CNOT6: variants seen among roughly 807,000 people sequenced by gnomAD.
CNOT6 encodes the protein carbon catabolite repression 4 protein.
In CNOT6, 12 loss-of-function variants were observed where a neutral mutation model predicts 61.2. The observed-to-expected ratio is 0.20, with a 90% CI of 0.13 to 0.32. The LOEUF is 0.32. CNOT6 is among the 10% of genes least tolerant of loss of function. The pLI is 1.00. For synonymous variants in CNOT6, 225 were observed against 240.6 expected, an observed-to-expected ratio of 0.94 and a Z score of 0.60; for missense variants, 405 against 663.9, an observed-to-expected ratio of 0.61 and a Z score of 4.28.
In CNOT6 at chr5:180,494,577, G is replaced by C. The variant is rs1296441137; in HGVS notation, c.-189G>C. Reference sequence around the variant, plus strand: ...GGCGGCCCGTCGGGGCGGCTGAGGCGGGCAGCCGAAGCAGTGGCTCTCGGA... The same window carrying C: ...GGCGGCCCGTCGGGGCGGCTGAGGCCGGCAGCCGAAGCAGTGGCTCTCGGA... On this transcript the variant is annotated 5_prime_UTR_variant, in exon 1 of 12. Coordinates refer to ENST00000261951, the MANE Select transcript of CNOT6 (RefSeq NM_001370472.1). 1 of 153,440 alleles carries C rather than the reference G, an allele frequency of 6.5e-6. No individual in the cohort carries two copies. The highest frequency in any genetic ancestry group is 2.4e-5 in the African/African-American group (1 of 41,290). 9.5% of individuals were successfully genotyped at this position (153,440 alleles called of 1,614,324 possible). A position where few individuals can be genotyped will look rare whatever the true frequency, so the allele number is the denominator to read the frequency against.
rs540417059 is a variant in CNOT6 at position 180,536,039 on chromosome 5, A to C, written c.112+6651A>C. On this transcript the variant is annotated intron_variant, in intron 2 of 11. Coordinates refer to ENST00000261951, the MANE Select transcript of CNOT6 (RefSeq NM_001370472.1). ...TTTTGACAGTCTCACTCTGTTGCCC[A>C]GGCTGGAGTGCAGTGGTGTCATCTC... Among the ~76,000 whole-genome samples the C allele has an allele frequency of 9.9e-5, 11 of 110,860 alleles. 1 individual carries two copies. In the South Asian group the frequency reaches 3.2e-3, roughly 32 times the overall value. 72.7% of individuals were successfully genotyped at this position (110,860 alleles called of 152,430 possible). A position where few individuals can be genotyped will look rare whatever the true frequency, so the allele number is the denominator to read the frequency against.
intron 1 of CNOT6, among the ~76,000 whole-genome samples, chr5:180,497,094 G>A (rs1025912672): frequency 6.6e-6 from 1 of 152,122 alleles, no homozygotes; most frequent in Non-Finnish European, 1.5e-5. Flanking sequence ...TTCGGAGGCC[G>A]AGATGGGTGG....
At chr5:180,504,419 C>G (rs1261883974) in intron 1 of CNOT6, among the ~76,000 whole-genome samples, 1 of 152,038 alleles carries the variant, frequency 6.6e-6, no homozygotes, top group Admixed American at 6.6e-5. Flanking sequence ...GAATTGGCAG[C>G]CTAGAGTAAA....
chr5:180,557,338 G>A (rs1224818163), intron 4 of CNOT6, among the ~76,000 whole-genome samples: 1 of 134,938 alleles, frequency 7.4e-6, no homozygotes, highest in Non-Finnish European at 1.7e-5. Context: ...TTTCTGTAGT[G>A]TAAGTACTGC....
At chr5:180,502,817 T>A (rs750523709) in intron 1 of CNOT6, among the ~76,000 whole-genome samples, 8 of 152,228 alleles carry the variant, frequency 5.3e-5, no homozygotes, top group Non-Finnish European at 1.2e-4. Context: ...AAAATTGTAT[T>A]GCACTCAGCC....
intron 4 of CNOT6, among the ~76,000 whole-genome samples, chr5:180,560,899 C>G (rs1760138162): frequency 6.6e-6 from 1 of 152,072 alleles, no homozygotes; most frequent in East Asian, 1.9e-4. Flanking sequence ...GCCCCAGAGA[C>G]TTTGTTCTTT....
At chr5:180,505,450 G>A (rs1189556286) in intron 1 of CNOT6, among the ~76,000 whole-genome samples, 1 of 148,686 alleles carries the variant, frequency 6.7e-6, no homozygotes, top group Non-Finnish European at 1.5e-5. Context: ...GTAGAGACGG[G>A]GTTTCACTGT....
At position 180,567,979 on chromosome 5, in the gene CNOT6, C is replaced by G; in HGVS notation, c.1003C>G (p.Arg335Gly). The change falls in exon 9 of 12, where the codon CGG becomes GGG. Residue 335 changes from arginine (R) to glycine (G), a missense_variant. Around this residue, in one of 5 missense-constraint regions of CNOT6, gnomAD observed 116 missense variants for 184.6 expected, o/e 0.63. Transcript: ENST00000261951. Reference protein sequence around the residue: ...NIGVAVLLELRKESIEMPSGK... With the variant: ...NIGVAVLLELGKESIEMPSGK... ...TGGGGTTGCAGTACTGCTAGAACTT[C>G]GGAAGGAATCGATTGAAATGCCGTG... The G allele has an allele frequency of 6.2e-7, 1 of 1,608,754 alleles. No individual in the cohort carries two copies. Among genetic ancestry groups the G allele is most frequent in the Non-Finnish European group, 8.5e-7 (1 of 1,175,770 alleles).
rs1760626442 is a variant in CNOT6, at chr5:180,569,281, G to A, written c.1199G>A (p.Gly400Glu). ...CGCAACCTCAAATCCAGTGTTTTGGGAGAATTTGGAACTATTCCACTTGTG... is the reference window on the plus strand; with the variant it reads ...CGCAACCTCAAATCCAGTGTTTTGGAAGAATTTGGAACTATTCCACTTGTG... ...ASRNLKSSVL[G>E]EFGTIPLVLC... The change falls in exon 10 of 12, where the codon GGA becomes GAA. Residue 400 changes from glycine (G) to glutamate (E), a missense_variant. By Grantham distance (98) the Gly-to-Glu change is moderately conservative. This residue lies in a region of CNOT6 where 116 missense variants were observed against 184.6 expected (regional missense o/e 0.63). Coordinates refer to ENST00000261951, the MANE Select transcript of CNOT6 (RefSeq NM_001370472.1). 6.2e-7 allele frequency: 1 copy of A among 1,614,122 alleles called. No homozygotes were observed. Among genetic ancestry groups the A allele is most frequent in the Non-Finnish European group, 8.5e-7 (1 of 1,180,020 alleles).
intron 4 of CNOT6, among the ~76,000 whole-genome samples, chr5:180,558,850 C>T (rs1459243915): frequency 6.6e-6 from 1 of 151,910 alleles, no homozygotes. Context: ...GCTGTGTTAC[C>T]CAGGTTGGCT....
chr5:180,532,548 AAAG>A (rs1385061363), intron 2 of CNOT6, among the ~76,000 whole-genome samples: 3 of 152,114 alleles, frequency 2.0e-5, no homozygotes, highest in Non-Finnish European at 4.4e-5. Flanking sequence ...CATCAACACA[AAAG>A]AAGACTTCTG....
At chr5:180,549,546 G>C (rs1759492329) in intron 2 of CNOT6, among the ~76,000 whole-genome samples, 1 of 152,064 alleles carries the variant, frequency 6.6e-6, no homozygotes, top group African/African-American at 2.4e-5. Flanking sequence ...GCTACTTGGA[G>C]GCTGAGGCAG....
At chr5:180,514,178 C>T (rs1757529392) in intron 1 of CNOT6, among the ~76,000 whole-genome samples, 1 of 150,366 alleles carries the variant, frequency 6.7e-6, no homozygotes, top group Non-Finnish European at 1.5e-5. Context: ...AATCCCAGCA[C>T]TTTGGGAGGC....
chr5:180,551,217 C>T (rs1759584903), intron 3 of CNOT6, among the ~76,000 whole-genome samples: 1 of 150,778 alleles, frequency 6.6e-6, no homozygotes, highest in Non-Finnish European at 1.5e-5. Flanking sequence ...ATTAGCTGGG[C>T]TTCGTGGCAT....
intron 2 of CNOT6, 63 bp downstream of exon 2, chr5:180,529,451 C>A: frequency 2.3e-6 from 2 of 885,262 alleles, no homozygotes; most frequent in Non-Finnish European, 3.7e-6. Context: ...ACTGAGTTTT[C>A]TAATGCCAAT....
chr5:180,547,291 G>A (rs1472467211), intron 2 of CNOT6, among the ~76,000 whole-genome samples: 7 of 152,022 alleles, frequency 4.6e-5, no homozygotes, highest in Admixed American at 3.9e-4. Flanking sequence ...AGGCCACAGT[G>A]GGCAAATCAC....
At chr5:180,532,998 C>A (rs1238381447) in intron 2 of CNOT6, among the ~76,000 whole-genome samples, 5 of 152,260 alleles carry the variant, frequency 3.3e-5, no homozygotes, top group Admixed American at 3.3e-4. Context: ...CTCTCTGAAC[C>A]CTGTTCTTTC....
intron 2 of CNOT6, among the ~76,000 whole-genome samples, chr5:180,531,130 C>G (rs1368959320): frequency 2.3e-5 from 3 of 130,426 alleles, no homozygotes; most frequent in African/African-American, 8.1e-5. Context: ...CCTCACTTCC[C>G]AGACCGGGCG....
At chr5:180,564,397 G>A in intron 4 of CNOT6, 92 bp from the exon 5 acceptor site, 1 of 840,492 alleles carries the variant, frequency 1.2e-6, no homozygotes, top group South Asian at 1.5e-5. Flanking sequence ...CTATAACATA[G>A]TTATGGATGA....
Sources: gnomAD v4.1 joint callset for allele counts (sites outside exome capture counted in the v4.1 genomes callset) on GRCh38, gnomAD v4.1.1 for gene constraint, gnomAD v4.1.1 regional missense constraint, MANE v1.5 for transcripts, NCBI Gene and HGNC (gene_info 2026-07-23, HGNC 2026-07-21) for gene names.